Variants in COG4 observed in about 807,000 individuals in gnomAD.
COG4 encodes the protein conserved oligomeric Golgi complex subunit 4.
In COG4, 65 loss-of-function variants were observed where a neutral mutation model predicts 95.1. The ratio of observed to expected loss-of-function variants is 0.68; its 90% CI spans 0.56 to 0.84. The LOEUF (loss-of-function observed/expected upper bound fraction) is 0.84, where lower values mean the gene tolerates loss of function less well. Ranked by LOEUF, COG4 falls within the 40% of genes least tolerant of loss-of-function variation. The pLI is 0.00. For synonymous variants in COG4, 421 were observed against 374.8 expected (o/e 1.12, Z -1.42); for missense variants, 1,045 against 989.1 (o/e 1.06, Z -0.76).
chr16:70,517,709 T>C lies in COG4; in HGVS notation c.286A>G (p.Lys96Glu), dbSNP rs763107265. 1.2e-6 allele frequency: 2 copies of C among 1,613,758 alleles called. No individual in the cohort carries two copies. Among genetic ancestry groups the C allele is most frequent in the South Asian group, 2.2e-5 (2 of 91,082 alleles). The change falls in exon 3 of 19, where the codon AAG becomes GAG. Residue 96 changes from lysine (K) to glutamate (E), a missense_variant. By Grantham distance (56) the Lys-to-Glu change is moderately conservative (BLOSUM62 1). Transcript: ENST00000323786. ...PNLQLIEGDAKQLAGMITFTC... is the reference protein window; with the variant it reads ...PNLQLIEGDAEQLAGMITFTC... ...AAGGTGATCATTCCAGCCAGCTGCT[T>C]TGCATCTCCCTCAATCAGCTGCAGA... is the stretch of plus-strand genomic sequence containing the variant.
At chr16:70,484,893 G>A (rs1304158000) in intron 13 of COG4, among the ~76,000 whole-genome samples, 1 of 151,930 alleles carries the variant, frequency 6.6e-6, no homozygotes. Context: ...TGAGAACAAA[G>A]TACCTATTCT....
chr16:70,498,096 C>A, intron 9 of COG4, 41 bp from the exon 10 acceptor site: 1 of 1,330,050 alleles, frequency 7.5e-7, no homozygotes, highest in Non-Finnish European at 1.1e-6. Flanking sequence ...TTTTTTTCCC[C>A]AAGGGAAACA....
At chr16:70,495,277 A>G (rs2049317724) in intron 12 of COG4, among the ~76,000 whole-genome samples, 1 of 151,602 alleles carries the variant, frequency 6.6e-6, no homozygotes, top group African/African-American at 2.4e-5. Context: ...CATGCCTGTA[A>G]TCCCAGCTAC....
chr16:70,481,443 G>C lies in COG4; in HGVS notation c.2151C>G (p.Ala717=). 6.2e-7 allele frequency: 1 copy of C among 1,613,152 alleles called. No homozygotes were observed. The highest frequency in any genetic ancestry group is 8.5e-7 in the Non-Finnish European group (1 of 1,179,972). Residue 717 remains alanine (A), a synonymous_variant, in exon 18 of 19, where the codon GCC becomes GCG. Transcript: ENST00000323786. The part of the protein sequence containing the change: ...QFDKELRSLI[A]YLTTVTTWTI... ...TCCAGGTGGTCACCGTGGTAAGGTA[G>C]GCAATGAGCGACCTCAGCTCCTTGT...
intron 2 of COG4, 107 bp from the exon 3 acceptor site, chr16:70,517,847 G>A (rs2049856696): frequency 2.7e-6 from 2 of 740,698 alleles, no homozygotes; most frequent in South Asian, 1.4e-5. Flanking sequence ...ATACCTACCT[G>A]TAACTCTTAG....
intron 1 of COG4, among the ~76,000 whole-genome samples, chr16:70,521,378 C>T (rs533212048): frequency 2.6e-4 from 39 of 152,150 alleles, no homozygotes; most frequent in African/African-American, 7.0e-4. Context: ...CCATCACACC[C>T]GGCTAACTTT....
intron 14 of COG4, 79 bp from the exon 15 acceptor site, chr16:70,482,900 C>T (rs1484786213): frequency 8.6e-6 from 9 of 1,047,610 alleles, no homozygotes; most frequent in Admixed American, 5.4e-5. Context: ...CCATCCCTTC[C>T]CTCTATCCTC....
chr16:70,494,311 C>CA (rs2151747434), intron 12 of COG4, among the ~76,000 whole-genome samples: 1 of 152,280 alleles, frequency 6.6e-6, no homozygotes, highest in Non-Finnish European at 1.5e-5. Flanking sequence ...GTACTGACAG[C>CA]CCTAGTAAGC....
chr16:70,483,612 TGTG>T (rs2049060524), intron 14 of COG4, among the ~76,000 whole-genome samples: 1 of 152,096 alleles, frequency 6.6e-6, no homozygotes, highest in South Asian at 2.1e-4. Flanking sequence ...CTCTTGTCAT[TGTG>T]GGGCCAAGTG....
Position 70,509,321 on chromosome 16 carries a change from A to G in COG4, c.912T>C (p.Tyr304=). 1 of 1,614,178 alleles carries G rather than the reference A, an allele frequency of 6.2e-7. No homozygotes were observed. Among genetic ancestry groups the G allele is most frequent in the Non-Finnish European group, 8.5e-7 (1 of 1,180,016 alleles). The change falls in exon 7 of 19, where the codon TAT becomes TAC. Residue 304 remains tyrosine, a synonymous_variant. Transcript: ENST00000323786. ...CCACCTGCAGATATTTGATCAGGGT[A>G]TAGAGTCTCCCTGGCCCATAATAGG... The part of the protein sequence containing the change: ...VETYYGPGRL[Y]TLIKYLQVEC...
intron 2 of COG4, among the ~76,000 whole-genome samples, chr16:70,519,142 C>T (rs1245439556): frequency 3.5e-5 from 3 of 86,476 alleles, no homozygotes; most frequent in Admixed American, 2.1e-4. Context: ...TTTTTTGAGA[C>T]GGAGTCTCGC....
At chr16:70,506,857 G>A (rs1416115861) in intron 8 of COG4, among the ~76,000 whole-genome samples, 1 of 151,974 alleles carries the variant, frequency 6.6e-6, no homozygotes, top group Non-Finnish European at 1.5e-5. Flanking sequence ...GAAGGGAAGA[G>A]GAGAGTCACT....
rs1252288284 is a variant in COG4, at chr16:70,481,034, T to C, written c.2346A>G (p.Glu782=). ...VLALRIDFRS[E]DIKRLRL Reference sequence around the variant, plus strand: ...GCTACAGGCGCAGCCTCTTGATATCTTCACTGCGGAAGTCTATCCGCAGGG... The same window carrying C: ...GCTACAGGCGCAGCCTCTTGATATCCTCACTGCGGAAGTCTATCCGCAGGG... Residue 782 remains glutamate, a synonymous_variant, in exon 19 of 19, where the codon GAA becomes GAG. Coordinates refer to ENST00000323786, the MANE Select transcript of COG4 (RefSeq NM_015386.3). The C allele has an allele frequency of 6.2e-7, 1 of 1,613,044 alleles. No homozygotes were observed. Among genetic ancestry groups the C allele is most frequent in the Admixed American group, 1.7e-5 (1 of 60,030 alleles).
At chr16:70,505,013 C>T (rs976149759) in intron 8 of COG4, among the ~76,000 whole-genome samples, 1 of 151,858 alleles carries the variant, frequency 6.6e-6, no homozygotes, top group African/African-American at 2.4e-5. Flanking sequence ...TAGTGTCTGG[C>T]ATACAGTTGA....
At position 70,523,378 on chromosome 16, in the gene COG4, C is replaced by A; in HGVS notation, c.166G>T (p.Glu56Ter). 2 of 1,614,146 alleles carry A rather than the reference C, an allele frequency of 1.2e-6. No individual in the cohort carries two copies. The highest frequency in any genetic ancestry group is 8.5e-7 in the Non-Finnish European group (1 of 1,180,006). The change falls in exon 1 of 19, where the codon GAG becomes TAG. Residue 56 changes from glutamate (E) to a stop codon, truncating the protein, a stop_gained. Coordinates refer to ENST00000323786, the MANE Select transcript of COG4 (RefSeq NM_015386.3). LOFTEE classifies it high-confidence loss of function. ...GAAGAGGCTCGACCCCGCACCTCCTCGCCGCAGAGCCGTTCGTATACAGCC... is the reference window on the plus strand; with the variant it reads ...GAAGAGGCTCGACCCCGCACCTCCTAGCCGCAGAGCCGTTCGTATACAGCC... The part of the protein sequence containing the change: ...LEAVYERLCG[E>*]EKVVERELDA...
At chr16:70,482,676 G>A (rs2049022194) in intron 15 of COG4, 53 bp downstream of exon 15, 1 of 1,423,216 alleles carries the variant, frequency 7.0e-7, no homozygotes, top group Admixed American at 1.7e-5. Context: ...CTCTAGCTGG[G>A]GCTAGGGATG....
intron 9 of COG4, among the ~76,000 whole-genome samples, chr16:70,500,512 C>T (rs1018408346): frequency 2.0e-5 from 3 of 151,318 alleles, no homozygotes; most frequent in African/African-American, 7.3e-5. Context: ...AGGTGTATTG[C>T]ACCACGCTCA....
At chr16:70,490,805 G>T (rs1403417637) in intron 12 of COG4, among the ~76,000 whole-genome samples, 2 of 151,634 alleles carry the variant, frequency 1.3e-5, no homozygotes, top group Non-Finnish European at 3.0e-5. Flanking sequence ...GACAACAGGC[G>T]CCCGCCACTA....
At chr16:70,494,371 T>C (rs2049300467) in intron 12 of COG4, among the ~76,000 whole-genome samples, 1 of 152,162 alleles carries the variant, frequency 6.6e-6, no homozygotes, top group African/African-American at 2.4e-5. Flanking sequence ...TGTCAGTAAA[T>C]TTGGAGAATT....
Sources: gnomAD v4.1 joint callset for allele counts (sites outside exome capture counted in the v4.1 genomes callset) on GRCh38, gnomAD v4.1.1 for gene constraint, MANE v1.5 for transcripts, NCBI Gene and HGNC (gene_info 2026-07-23, HGNC 2026-07-21) for gene names.